The following CAP2 variants were observed in gnomAD, a reference collection of about 807,000 sequenced individuals.
The protein encoded by CAP2 is cyclase associated actin cytoskeleton regulatory protein 2, also known as adenylyl cyclase-associated protein 2.
CAP2 carries 24 observed loss-of-function variants against 57.7 expected under a neutral mutation model. The observed-to-expected ratio is 0.42, with a 90% confidence interval of 0.30 to 0.58. The LOEUF (loss-of-function observed/expected upper bound fraction) is 0.58. Ranked by LOEUF, CAP2 falls within the 20% of genes least tolerant of loss-of-function variation. The pLI is 0.22. For missense variants in CAP2, 501 were observed against 590.3 expected (o/e 0.85, Z 1.57); for synonymous variants, 194 against 207.2 (o/e 0.94, Z 0.55).
At chr6:17,401,865 T>C (rs765250844) in intron 1 of CAP2, among the ~76,000 whole-genome samples, 2 of 152,170 alleles carry the variant, frequency 1.3e-5, no homozygotes, top group African/African-American at 2.4e-5. Context: ...CTCTCTTCCT[T>C]AGGAATTCAC....
chr6:17,556,558 C>T lies in CAP2; in HGVS notation c.*116C>T, dbSNP rs549228997. ...CTACTGCTTTAGCTTTGGCCTCCAACGATTCTGTGCTATAGATACAGCACT... is the reference window on the plus strand; with the variant it reads ...CTACTGCTTTAGCTTTGGCCTCCAATGATTCTGTGCTATAGATACAGCACT... On this transcript the variant is annotated 3_prime_UTR_variant, in exon 13 of 13. Transcript: ENST00000229922. 8 of 744,528 alleles carry T rather than the reference C, an allele frequency of 1.1e-5. No individual in the cohort carries two copies. The East Asian group carries it at 1.5e-4, about 14-fold the overall frequency. The allele number at this position is 744,528 out of a possible 1,614,324, so 46.1% of individuals were successfully genotyped here.
At chr6:17,498,774 G>C (rs961551661) in intron 4 of CAP2, among the ~76,000 whole-genome samples, 2 of 151,832 alleles carry the variant, frequency 1.3e-5, no homozygotes, top group African/African-American at 4.8e-5. Context: ...TGTCGCCCAG[G>C]CTGGAGTGCA....
rs1214181158 is a variant in CAP2, at chr6:17,540,985, T to C, written c.839T>C (p.Val280Ala). Residue 280 changes from valine (V) to alanine (A), a missense_variant, in exon 9 of 13, where the codon GTC (valine) becomes GCC (alanine). Val to Ala is a moderately conservative substitution (Grantham distance 64). Transcript: ENST00000229922. Reference sequence around the variant, plus strand: ...GTTGTCCTCCTAGGGCTCCGCCATGTCACAGATGACCAGAAGACATACAAA... The same window carrying C: ...GTTGTCCTCCTAGGGCTCCGCCATGCCACAGATGACCAGAAGACATACAAA... The part of the protein sequence containing the change: ...GEAITKGLRH[V>A]TDDQKTYKNP... 6.2e-7 allele frequency: 1 copy of C among 1,613,830 alleles called. No homozygotes were observed. The highest frequency in any genetic ancestry group is 8.5e-7 in the Non-Finnish European group (1 of 1,179,818).
intron 4 of CAP2, among the ~76,000 whole-genome samples, chr6:17,498,728 T>A (rs1761728307): frequency 1.3e-5 from 2 of 152,008 alleles, no homozygotes; most frequent in South Asian, 4.1e-4. Flanking sequence ...TTATTTATTT[T>A]ATTTATTTAT....
chr6:17,402,789 A>C (rs1209940692), intron 1 of CAP2, among the ~76,000 whole-genome samples: 1 of 152,204 alleles, frequency 6.6e-6, no homozygotes, highest in Non-Finnish European at 1.5e-5. Flanking sequence ...TCTGCAACTT[A>C]ACTTATATCT....
chr6:17,482,889 C>T (rs115637375), intron 4 of CAP2, among the ~76,000 whole-genome samples: 3 of 152,232 alleles, frequency 2.0e-5, no homozygotes, highest in African/African-American at 7.2e-5. Context: ...GGGGACACCA[C>T]TCAGCCCGTA....
At chr6:17,430,507 C>T (rs78698334) in intron 3 of CAP2, among the ~76,000 whole-genome samples, 1 of 151,090 alleles carries the variant, frequency 6.6e-6, no homozygotes, top group Non-Finnish European at 1.5e-5. Flanking sequence ...GGTTGGACAT[C>T]ATTTATCCAT....
intron 4 of CAP2, among the ~76,000 whole-genome samples, chr6:17,487,106 C>T (rs1310617719): frequency 2.6e-5 from 4 of 152,216 alleles, no homozygotes; most frequent in Non-Finnish European, 4.4e-5. Flanking sequence ...AATTGCTGAG[C>T]ACGTACTATG....
chr6:17,494,776 C>A lies in CAP2; in HGVS notation c.301-12393C>A, dbSNP rs145393295. ...TCTGGGTGTTTTTGGATGAGATTAACATTTAAATTGGTAGACTGAGTAAAG... is the reference window on the plus strand; with the variant it reads ...TCTGGGTGTTTTTGGATGAGATTAAAATTTAAATTGGTAGACTGAGTAAAG... On this transcript the variant is annotated intron_variant, in intron 4 of 12. Transcript: ENST00000229922. Among the ~76,000 whole-genome samples the A allele has an allele frequency of 3.6e-3, 552 of 152,244 alleles. 6 individuals are homozygous for A. The highest frequency in any genetic ancestry group is 0.012 in the African/African-American group (517 of 41,528).
rs116593659 is a variant in CAP2, at chr6:17,545,376, T to G, written c.1209+2233T>G. On this transcript the variant is annotated intron_variant, in intron 11 of 12. Transcript: ENST00000229922. ...ATCACATCTGAAATACACAACCAAG[T>G]AAATTAAGTATAAAATGTGAAAATG... 3.9e-3 allele frequency among the ~76,000 whole-genome samples: 586 copies of G among 152,188 alleles called. 3 individuals carry two copies. The highest frequency in any genetic ancestry group is 0.013 in the African/African-American group (552 of 41,536).
intron 3 of CAP2, among the ~76,000 whole-genome samples, chr6:17,436,613 C>T (rs754850912): frequency 1.2e-4 from 18 of 152,126 alleles, no homozygotes; most frequent in Admixed American, 2.0e-4. Context: ...CAGAGAGACA[C>T]GGCCATGCAA....
At chr6:17,494,039 T>C (rs1761606671) in intron 4 of CAP2, among the ~76,000 whole-genome samples, 1 of 152,134 alleles carries the variant, frequency 6.6e-6, no homozygotes, top group African/African-American at 2.4e-5. Context: ...GTCTAAAATC[T>C]ACTTTTCACA....
chr6:17,452,456 A>G (rs984437175), intron 3 of CAP2, among the ~76,000 whole-genome samples: 1 of 152,184 alleles, frequency 6.6e-6, no homozygotes, highest in Non-Finnish European at 1.5e-5. Flanking sequence ...TTATCAGGCA[A>G]AATAGGAAAA....
intron 6 of CAP2, among the ~76,000 whole-genome samples, chr6:17,508,999 C>T (rs2113660633): frequency 6.6e-6 from 1 of 152,226 alleles, no homozygotes; most frequent in African/African-American, 2.4e-5. Flanking sequence ...TCGTGATCCG[C>T]CCACCTCAGC....
At chr6:17,543,165 A>C (rs772824002) in intron 11 of CAP2, 22 bp downstream of exon 11, 2 of 1,589,598 alleles carry the variant, frequency 1.3e-6, no homozygotes, top group South Asian at 2.2e-5. Flanking sequence ...CTTTCCAACC[A>C]TGCTGTAATA....
At chr6:17,555,787 G>A (rs575570206) in intron 12 of CAP2, among the ~76,000 whole-genome samples, 2 of 151,876 alleles carry the variant, frequency 1.3e-5, no homozygotes, top group Admixed American at 6.6e-5. Context: ...GGCTGGTCTC[G>A]AACTCCTGAC....
chr6:17,423,100 T>C (rs1188038799), intron 2 of CAP2, among the ~76,000 whole-genome samples: 1 of 152,192 alleles, frequency 6.6e-6, no homozygotes, highest in Non-Finnish European at 1.5e-5. Context: ...CTGTCAGGTT[T>C]TTTTGGGCTG....
chr6:17,542,319 C>T (rs1219562918), intron 9 of CAP2, among the ~76,000 whole-genome samples: 4 of 152,108 alleles, frequency 2.6e-5, no homozygotes, highest in South Asian at 2.1e-4. Flanking sequence ...CCCCACTGCC[C>T]GGGCTAAGTG....
intron 3 of CAP2, among the ~76,000 whole-genome samples, chr6:17,428,261 T>C (rs1348632582): frequency 1.3e-5 from 2 of 152,210 alleles, no homozygotes; most frequent in African/African-American, 2.4e-5. Context: ...TTTAGACACT[T>C]TTCATATTTT....
Sources: allele counts gnomAD v4.1 joint callset (sites outside exome capture counted in the v4.1 genomes callset), GRCh38; gene constraint gnomAD v4.1.1; transcripts MANE v1.5; gene names NCBI Gene and HGNC (gene_info 2026-07-23, HGNC 2026-07-21).